The following ZFP1 variants were observed in gnomAD, a reference collection of about 807,000 sequenced individuals.
ZFP1 encodes zinc finger protein 1 homolog.
In ZFP1, 32 loss-of-function variants were observed where a neutral mutation model predicts 38.5. That is an observed-to-expected ratio of 0.83 (90% confidence interval 0.63 to 1.12). ZFP1 has a LOEUF of 1.12. Among genes scored for constraint, ZFP1 ranks in the 50% most tolerant of loss-of-function variants. The probability of loss-of-function intolerance (pLI) is 0.00; values close to 1 mark genes in which losing one functional copy is unlikely to be tolerated. For missense variants in ZFP1, 616 were observed against 480.8 expected (o/e 1.28, Z -2.63); for synonymous variants, 245 against 168.8 (o/e 1.45, Z -3.50).
chr16:75,164,169 A>T (rs890482422), intron 2 of ZFP1, among the ~76,000 whole-genome samples: 1 of 152,126 alleles, frequency 6.6e-6, no homozygotes, highest in African/African-American at 2.4e-5. Context: ...TAGCTGGATC[A>T]TTGAAGTTTG....
intron 2 of ZFP1, among the ~76,000 whole-genome samples, chr16:75,163,220 T>C (rs1219641380): frequency 1.3e-5 from 2 of 152,128 alleles, no homozygotes; most frequent in Non-Finnish European, 2.9e-5. Flanking sequence ...GTTTTTTATA[T>C]TACAAAAATC....
the ZFP1 span, among the ~76,000 whole-genome samples, chr16:75,122,320 G>T: frequency 2.0e-5 from 3 of 152,232 alleles, no homozygotes; most frequent in Admixed American, 6.5e-5. Context: ...GAGTGGCAGG[G>T]TGAGTAGTTT....
the ZFP1 span, among the ~76,000 whole-genome samples, chr16:75,129,176 G>C: frequency 6.6e-6 from 1 of 152,098 alleles, no homozygotes; most frequent in South Asian, 2.1e-4. Flanking sequence ...TTTGTTTGTT[G>C]TTGTTCTCCT....
At chr16:75,140,262 C>G in the ZFP1 span, among the ~76,000 whole-genome samples, 1 of 125,634 alleles carries the variant, frequency 8.0e-6, no homozygotes, top group Non-Finnish European at 1.7e-5. Context: ...GAGTGAAACT[C>G]CATCTCAAAA....
At chr16:75,163,128 C>T (rs942246287) in intron 2 of ZFP1, among the ~76,000 whole-genome samples, 13 of 151,524 alleles carry the variant, frequency 8.6e-5, no homozygotes, top group Non-Finnish European at 1.0e-4. Flanking sequence ...AGGTTGGTCT[C>T]GAACTCCTGA....
the ZFP1 span, among the ~76,000 whole-genome samples, chr16:75,141,607 G>T: frequency 6.6e-6 from 1 of 152,194 alleles, no homozygotes; most frequent in East Asian, 1.9e-4. Flanking sequence ...TAAATTATCT[G>T]TGTGTAGTGG....
intron 2 of ZFP1, among the ~76,000 whole-genome samples, chr16:75,166,132 A>G (rs910414619): frequency 6.6e-5 from 10 of 152,332 alleles, no homozygotes; most frequent in Non-Finnish European, 1.5e-4. Context: ...TTGACTATTT[A>G]AACATCGATG....
chr16:75,149,428 C>G (rs1433573382), intron 1 of ZFP1, among the ~76,000 whole-genome samples: 2 of 152,202 alleles, frequency 1.3e-5, no homozygotes, highest in African/African-American at 4.8e-5. Context: ...CGAAAGTTTT[C>G]CCATGATTCT....
chr16:75,168,677 C>G (rs570367576), intron 3 of ZFP1, among the ~76,000 whole-genome samples: 2 of 152,308 alleles, frequency 1.3e-5, no homozygotes, highest in East Asian at 3.9e-4. Flanking sequence ...GCTCTGCTAT[C>G]TGGTTGTCAC....
the ZFP1 span, among the ~76,000 whole-genome samples, chr16:75,137,461 C>CTTTTTTTTTTTT: frequency 1.1e-5 from 1 of 89,416 alleles, no homozygotes; most frequent in East Asian, 3.3e-4. Context: ...AAAAAAAATT[C>CTTTTTTTTTTTT]TTTTTTTTTT....
At position 75,170,518 on chromosome 16, in the gene ZFP1, AAAG is replaced by A. The variant is rs2038367660; in HGVS notation, c.*187_*189del. 8.3e-6 allele frequency: 7 copies of A among 843,076 alleles called. No individual in the cohort carries two copies. The South Asian group carries it at 2.0e-4, about 25-fold the overall frequency. The allele number at this position is 843,076 out of a possible 1,614,324, so 52.2% of individuals were successfully genotyped here. ...TGGAAGTTACATGTGATACCCAGCT[AAAG>A]AATACATATCAGAATATATCCAGTT... On this transcript the variant is annotated 3_prime_UTR_variant, in exon 4 of 4. Coordinates refer to ENST00000570010, the MANE Select transcript of ZFP1 (RefSeq NM_153688.4).
upstream of ZFP1, among the ~76,000 whole-genome samples, chr16:75,144,546 T>C (rs1195985140): frequency 6.6e-6 from 1 of 152,234 alleles, no homozygotes; most frequent in African/African-American, 2.4e-5. Context: ...GTTATGGTAA[T>C]TTATAATTTT....
At chr16:75,169,168 T>C (rs2038273034) in intron 3 of ZFP1, 85 bp from the exon 4 acceptor site, 1 of 1,466,530 alleles carries the variant, frequency 6.8e-7, no homozygotes. Flanking sequence ...AGCCCTGTGA[T>C]AGAACACGTG....
chr16:75,156,880 G>C (rs567669487), intron 2 of ZFP1, among the ~76,000 whole-genome samples: 56 of 152,320 alleles, frequency 3.7e-4, no homozygotes, highest in African/African-American at 1.3e-3. Context: ...GCCAAACCAA[G>C]TACAGTTAAG....
At chr16:75,144,681 C>T (rs937560441), upstream of ZFP1, among the ~76,000 whole-genome samples, 1 of 152,172 alleles carries the variant, frequency 6.6e-6, no homozygotes, top group African/African-American at 2.4e-5. Context: ...AACGCTATAC[C>T]GTTTAAGCAC....
At chr16:75,122,465 T>A in the ZFP1 span, among the ~76,000 whole-genome samples, 1 of 152,070 alleles carries the variant, frequency 6.6e-6, no homozygotes, top group South Asian at 2.1e-4. Context: ...GGGAAAGTTG[T>A]TTACTGAAAC....
upstream of ZFP1, among the ~76,000 whole-genome samples, chr16:75,146,142 A>G (rs1213045565): frequency 2.0e-5 from 3 of 150,482 alleles, no homozygotes; most frequent in African/African-American, 7.3e-5. Flanking sequence ...CTGTTACCAC[A>G]CAATCCAGCA....
At chr16:75,165,683 C>T (rs942786066) in intron 2 of ZFP1, among the ~76,000 whole-genome samples, 3 of 151,920 alleles carry the variant, frequency 2.0e-5, no homozygotes, top group Admixed American at 6.6e-5. Context: ...CTGGCCACCT[C>T]TGGGGTTTTA....
At chr16:75,164,266 C>A (rs576961975) in intron 2 of ZFP1, among the ~76,000 whole-genome samples, 6 of 151,662 alleles carry the variant, frequency 4.0e-5, no homozygotes, top group African/African-American at 1.4e-4. Context: ...ACATTTATCC[C>A]ATTTTTATTT....
Sources: allele counts gnomAD v4.1 joint callset (sites outside exome capture counted in the v4.1 genomes callset), GRCh38; gene constraint gnomAD v4.1.1; transcripts MANE v1.5; gene names NCBI Gene and HGNC (gene_info 2026-07-23, HGNC 2026-07-21).